SDK1: variants seen among roughly 807,000 people sequenced by gnomAD.
The protein encoded by SDK1 is protein sidekick-1.
Under a neutral mutation model 245.5 loss-of-function variants are expected in SDK1, and 157 were observed. The observed-to-expected ratio is 0.64, with a 90% CI of 0.56 to 0.73. The LOEUF is 0.73. Among genes scored for constraint, SDK1 ranks in the 30% least tolerant of loss-of-function variants. The pLI is 0.00. For synonymous variants in SDK1, 1,647 were observed against 1,278.5 expected, an observed-to-expected ratio of 1.29 and a Z score of -6.15; for missense variants, 3,583 against 3,002.3, an observed-to-expected ratio of 1.19 and a Z score of -4.52.
At position 4,266,896 on chromosome 7, in the gene SDK1, C is replaced by T. The variant is rs745912088; in HGVS notation, c.*1512C>T. ...CCAGTGCACGGCAAACGGGCAGGTG[C>T]CGTTCCCCCAGTGACCTGAGGGTAG... On this transcript the variant is annotated 3_prime_UTR_variant, in exon 45 of 45. Coordinates refer to ENST00000404826, the MANE Select transcript of SDK1 (RefSeq NM_152744.4). 4.3e-5 allele frequency: 42 copies of T among 985,422 alleles called. No homozygotes were observed. Among genetic ancestry groups the T allele is most frequent in the Non-Finnish European group, 5.1e-5 (42 of 830,006 alleles). 61.0% of individuals were successfully genotyped at this position (985,422 alleles called of 1,614,324 possible). A position where few individuals can be genotyped will look rare whatever the true frequency, so the allele number is the denominator to read the frequency against.
intron 13 of SDK1, chr7:3,974,753 G>A: frequency 1.9e-6 from 1 of 522,672 alleles, no homozygotes; most frequent in South Asian, 2.8e-5. Flanking sequence ...TTTCGTTTTT[G>A]GTGTAGATGG....
intron 4 of SDK1, among the ~76,000 whole-genome samples, chr7:3,654,293 G>T (rs1333147980): frequency 6.6e-6 from 1 of 152,158 alleles, no homozygotes; most frequent in African/African-American, 2.4e-5. Context: ...CTTATCCTGG[G>T]GCAAATTAGT....
chr7:3,514,534 C>G (rs1281589874), intron 1 of SDK1, among the ~76,000 whole-genome samples: 1 of 152,166 alleles, frequency 6.6e-6, no homozygotes, highest in Non-Finnish European at 1.5e-5. Flanking sequence ...GCGTCTTTGT[C>G]AGTCACTGCT....
At chr7:4,060,370 A>G (rs1040138713) in intron 19 of SDK1, among the ~76,000 whole-genome samples, 3 of 152,218 alleles carry the variant, frequency 2.0e-5, no homozygotes, top group Non-Finnish European at 4.4e-5. Context: ...TATAATAAAG[A>G]TCAGAGCAGA....
intron 1 of SDK1, among the ~76,000 whole-genome samples, chr7:3,501,368 T>G (rs1782207643): frequency 7.6e-6 from 1 of 131,874 alleles, no homozygotes; most frequent in Non-Finnish European, 1.6e-5. Context: ...GGCTAGGGAA[T>G]CAGGAAAAAG....
intron 4 of SDK1, among the ~76,000 whole-genome samples, chr7:3,779,904 A>T (rs1002269143): frequency 1.4e-5 from 2 of 146,954 alleles, no homozygotes; most frequent in African/African-American, 2.5e-5. Flanking sequence ...TGCAGTCCGC[A>T]GTCCGGCCTG....
At chr7:3,416,898 C>G (rs969871866) in intron 1 of SDK1, among the ~76,000 whole-genome samples, 4 of 152,138 alleles carry the variant, frequency 2.6e-5, no homozygotes, top group African/African-American at 9.7e-5. Context: ...TGCAGCCGGG[C>G]ACGGTGGCTC....
Position 3,545,510 on chromosome 7 carries a change from A to T in SDK1, c.299-73570A>T, listed in dbSNP as rs538806810. On this transcript the variant is annotated intron_variant, in intron 1 of 44. Transcript: ENST00000404826. ...CCTTCAAGACTTAATGCAAATATTT[A>T]TCTGCGTGTATTTTCTTTTCCTACT... Among the ~76,000 whole-genome samples the T allele has an allele frequency of 6.6e-5, 10 of 152,336 alleles. No homozygotes were observed. The South Asian group carries it at 2.1e-3, about 32-fold the overall frequency.
chr7:4,123,378 C>T lies in SDK1; in HGVS notation c.3824-4003C>T, dbSNP rs1034610160. Among the ~76,000 whole-genome samples, 17 of 152,008 alleles carry T rather than the reference C, an allele frequency of 1.1e-4. 1 individual carries two copies. Among genetic ancestry groups the T allele is most frequent in the African/African-American group, 4.1e-4 (17 of 41,368 alleles). On this transcript the variant is annotated intron_variant, in intron 25 of 44. Coordinates refer to ENST00000404826, the MANE Select transcript of SDK1 (RefSeq NM_152744.4). ...CTTTAGCTCATAGTTGATTCAAGGT[C>T]CCAGTTTATCAAACTTTTGTATAAA...
chr7:3,347,014 GGA>G (rs1053606232), intron 1 of SDK1, among the ~76,000 whole-genome samples: 2 of 150,702 alleles, frequency 1.3e-5, no homozygotes, highest in African/African-American at 4.9e-5. Flanking sequence ...TAAACTAATT[GGA>G]GAGAGTTTCA....
intron 35 of SDK1, among the ~76,000 whole-genome samples, chr7:4,192,906 T>G (rs924270032): frequency 4.0e-5 from 6 of 151,482 alleles, no homozygotes; most frequent in African/African-American, 1.5e-4. Flanking sequence ...CATATCATTT[T>G]ATTCACAAAT....
intron 17 of SDK1, among the ~76,000 whole-genome samples, chr7:4,024,019 G>C (rs1787140329): frequency 6.6e-6 from 1 of 152,150 alleles, no homozygotes; most frequent in Admixed American, 6.6e-5. Context: ...GACAAATTAT[G>C]CTATAAATCA....
chr7:3,969,113 C>A, intron 10 of SDK1, 144 bp from the exon 11 acceptor site: 1 of 698,928 alleles, frequency 1.4e-6, no homozygotes, highest in Non-Finnish European at 2.3e-6. Context: ...GATTCCTCCC[C>A]CGACGTGGGG....
rs1583180661 is a variant in SDK1, at chr7:4,252,801, A to G, written c.6381+6996A>G. On this transcript the variant is annotated intron_variant, in intron 44 of 44. Coordinates refer to ENST00000404826, the MANE Select transcript of SDK1 (RefSeq NM_152744.4). ...TGTTAATTACTAGTTCTATCTGTTT[A>G]TTGGCTATAGATTTATTCCGTTTCC... Among the ~76,000 whole-genome samples the G allele has an allele frequency of 2.8e-5, 4 of 143,164 alleles. No individual in the cohort carries two copies. In the South Asian group the frequency reaches 8.8e-4, roughly 32 times the overall value. The allele number at this position is 143,164 out of a possible 152,430, so 93.9% of individuals were successfully genotyped here.
rs374855654 is a variant in SDK1 at position 3,766,692 on chromosome 7, A to T, written c.714-54758A>T. The stretch of plus-strand genomic sequence containing the variant: ...TATTATGACTTCAGAAATAATAAAT[A>T]TAAAGCTAATATTAATACTAGCTGT... On this transcript the variant is annotated intron_variant, in intron 4 of 44. Coordinates refer to ENST00000404826, the MANE Select transcript of SDK1 (RefSeq NM_152744.4). Among the ~76,000 whole-genome samples, 3 of 152,222 alleles carry T rather than the reference A, an allele frequency of 2.0e-5. No individual in the cohort carries two copies. In the East Asian group the frequency reaches 5.8e-4, roughly 29 times the overall value.
At chr7:3,572,035 A>G (rs1482524934) in intron 1 of SDK1, among the ~76,000 whole-genome samples, 1 of 152,106 alleles carries the variant, frequency 6.6e-6, no homozygotes. Flanking sequence ...TTACTTGGCT[A>G]ACTATCAATG....
rs578042130 is a variant in SDK1, at chr7:4,026,568, C to G, written c.2602+9216C>G. Among the ~76,000 whole-genome samples the G allele has an allele frequency of 5.3e-5, 8 of 151,826 alleles. No homozygotes were observed. The East Asian group carries it at 1.5e-3, about 29-fold the overall frequency. The stretch of plus-strand genomic sequence containing the variant: ...CCAAATGCTTCTCTTCAATGCCTGG[C>G]AAGTAAAGATTTGGAAAAAAAAATA... On this transcript the variant is annotated intron_variant, in intron 17 of 44. Transcript: ENST00000404826. This position sits in a 1 kb window ranked among gnomAD's most constrained non-coding sequence, Gnocchi z 4.1.
intron 18 of SDK1, among the ~76,000 whole-genome samples, chr7:4,050,154 G>A (rs1254666862): frequency 6.6e-6 from 1 of 152,170 alleles, no homozygotes; most frequent in Admixed American, 6.5e-5. Context: ...GATGGACAGG[G>A]GAAGCTCTAT....
At chr7:3,672,769 A>ATATATATG (rs1783751023) in intron 4 of SDK1, among the ~76,000 whole-genome samples, 1 of 87,814 alleles carries the variant, frequency 1.1e-5, no homozygotes, top group Non-Finnish European at 2.3e-5. Flanking sequence ...TTATATATAT[A>ATATATATG]TATATATATA....
Sources: allele counts gnomAD v4.1 joint callset (sites outside exome capture counted in the v4.1 genomes callset), GRCh38; gene constraint gnomAD v4.1.1; non-coding constraint Gnocchi (gnomAD v3.1); transcripts MANE v1.5; gene names NCBI Gene and HGNC (gene_info 2026-07-23, HGNC 2026-07-21).